The following SORCS1 variants were observed in gnomAD, a reference collection of about 807,000 sequenced individuals.
SORCS1 encodes sortilin related VPS10 domain containing receptor 1.
SORCS1 carries 60 observed loss-of-function variants against 146.1 expected under a neutral mutation model. The observed-to-expected ratio is 0.41, with a 90% CI of 0.33 to 0.51. The LOEUF (loss-of-function observed/expected upper bound fraction) is 0.51, where lower values mean the gene tolerates loss of function less well. Ranked by LOEUF, SORCS1 falls within the 20% of genes least tolerant of loss-of-function variation. SORCS1 has a pLI of 0.21. For synonymous variants in SORCS1, 637 were observed against 584.0 expected (o/e 1.09, Z -1.31); for missense variants, 1,352 against 1,487.6 (o/e 0.91, Z 1.50).
At chr10:106,980,280 G>T (rs1396952601) in intron 1 of SORCS1, among the ~76,000 whole-genome samples, 1 of 152,170 alleles carries the variant, frequency 6.6e-6, no homozygotes, top group Non-Finnish European at 1.5e-5. Flanking sequence ...GTATGCCTGT[G>T]ATCTACTTTT....
At chr10:106,925,840 C>G (rs778951789) in intron 2 of SORCS1, among the ~76,000 whole-genome samples, 1 of 152,234 alleles carries the variant, frequency 6.6e-6, no homozygotes, top group African/African-American at 2.4e-5. Context: ...AGAGATAAAG[C>G]TAATGATTTT....
intron 2 of SORCS1, among the ~76,000 whole-genome samples, chr10:106,894,346 G>A (rs780869149): frequency 4.0e-5 from 6 of 151,662 alleles, no homozygotes; most frequent in Non-Finnish European, 8.8e-5. Context: ...CAGATAAGGG[G>A]AAAAGGTTGC....
At chr10:107,064,302 C>T (rs1328232) in intron 1 of SORCS1, among the ~76,000 whole-genome samples, 9,694 of 152,228 alleles carry the variant, frequency 0.064, 954 homozygotes, top group African/African-American at 0.22. Context: ...CCGCCCTCAT[C>T]TCCTCTGACA....
chr10:107,136,531 A>G (rs572526563), intron 1 of SORCS1, among the ~76,000 whole-genome samples: 1 of 152,326 alleles, frequency 6.6e-6, no homozygotes, highest in Admixed American at 6.5e-5. Context: ...CAAGGCTTAG[A>G]GAGGGAAAAT....
chr10:107,166,261 A>G (rs1211084388), upstream of SORCS1, among the ~76,000 whole-genome samples: 4 of 152,240 alleles, frequency 2.6e-5, no homozygotes, highest in Non-Finnish European at 4.4e-5. Context: ...CGATGAGGCC[A>G]AGTTCAAAGT....
chr10:106,609,403 A>T (rs1454921330), intron 22 of SORCS1, among the ~76,000 whole-genome samples: 1 of 152,222 alleles, frequency 6.6e-6, no homozygotes, highest in East Asian at 1.9e-4. Context: ...TTTAATACTA[A>T]ATTTTGTTTC....
At chr10:106,957,561 C>A (rs976917892) in intron 1 of SORCS1, among the ~76,000 whole-genome samples, 1 of 152,086 alleles carries the variant, frequency 6.6e-6, no homozygotes, top group Non-Finnish European at 1.5e-5. Context: ...TCTAGGAAAG[C>A]CATTAAATAG....
At chr10:106,811,989 A>AGTTTGTTT (rs370856307) in intron 3 of SORCS1, among the ~76,000 whole-genome samples, 3 of 151,488 alleles carry the variant, frequency 2.0e-5, no homozygotes, top group Non-Finnish European at 2.9e-5. Flanking sequence ...ATGGTTTCAG[A>AGTTTGTTT]GTTTGTTTGT....
chr10:106,816,353 A>T (rs962104575), intron 3 of SORCS1, among the ~76,000 whole-genome samples: 3 of 152,204 alleles, frequency 2.0e-5, no homozygotes, highest in African/African-American at 7.2e-5. Flanking sequence ...GAAGAAACTT[A>T]CGTTTACCTG....
At chr10:107,108,175 T>C (rs943547874) in intron 1 of SORCS1, among the ~76,000 whole-genome samples, 3 of 152,146 alleles carry the variant, frequency 2.0e-5, no homozygotes, top group Admixed American at 1.3e-4. Context: ...TCTATGATCC[T>C]AGAGACAGGA....
intron 24 of SORCS1, among the ~76,000 whole-genome samples, chr10:106,593,461 T>C (rs1396011924): frequency 1.3e-5 from 2 of 152,188 alleles, no homozygotes; most frequent in Non-Finnish European, 2.9e-5. Flanking sequence ...CCAGCTCTAA[T>C]GCGTTATGAC....
chr10:106,808,692 C>T (rs570756693), intron 3 of SORCS1, among the ~76,000 whole-genome samples: 4 of 152,046 alleles, frequency 2.6e-5, no homozygotes, highest in South Asian at 4.2e-4. Flanking sequence ...TTAGTAGAGA[C>T]GGGGTTTCAC....
intron 2 of SORCS1, among the ~76,000 whole-genome samples, chr10:106,932,751 G>A (rs1009008815): frequency 2.6e-5 from 4 of 152,212 alleles, no homozygotes; most frequent in Middle Eastern, 3.4e-3. Flanking sequence ...CACTCCCCTC[G>A]CAGCAATGGT....
intron 5 of SORCS1, among the ~76,000 whole-genome samples, chr10:106,739,575 G>A (rs1336709254): frequency 1.3e-5 from 2 of 151,908 alleles, no homozygotes; most frequent in South Asian, 2.1e-4. Context: ...TTGGGAGGCC[G>A]AGGCAGGTGG....
intron 18 of SORCS1, among the ~76,000 whole-genome samples, chr10:106,638,057 G>C (rs1251901688): frequency 6.6e-6 from 1 of 152,188 alleles, no homozygotes; most frequent in East Asian, 1.9e-4. Context: ...ATGGTACAGA[G>C]AGGTTCAGAA....
intron 19 of SORCS1, among the ~76,000 whole-genome samples, chr10:106,627,331 A>G (rs982635890): frequency 5.3e-5 from 8 of 152,234 alleles, no homozygotes; most frequent in African/African-American, 1.9e-4. Flanking sequence ...CGGTAGATGT[A>G]TAACAAATTT....
intron 2 of SORCS1, among the ~76,000 whole-genome samples, chr10:106,940,895 A>G (rs1954009258): frequency 6.6e-6 from 1 of 152,096 alleles, no homozygotes; most frequent in South Asian, 2.1e-4. Flanking sequence ...AAAAAATAAT[A>G]ATAAAAAAAA....
chr10:107,014,278 G>GAAAAAGAAA (rs1564927011), intron 1 of SORCS1, among the ~76,000 whole-genome samples: 1 of 138,300 alleles, frequency 7.2e-6, no homozygotes, highest in African/African-American at 2.9e-5. Context: ...AAAAAGAAAA[G>GAAAAAGAAA]AAAAAAAGAG....
chr10:106,672,036 C>T lies in SORCS1; in HGVS notation c.2059-669G>A, dbSNP rs1851646607. ...AGCTAACGCAGGGCCCACTATCAGA[C>T]ACACTCCTCCTTTTGTGTTTCTGAA... On this transcript the variant is annotated intron_variant, in intron 15 of 25. Coordinates refer to ENST00000263054, the MANE Select transcript of SORCS1 (RefSeq NM_052918.5). 4.6e-5 allele frequency among the ~76,000 whole-genome samples: 7 copies of T among 152,334 alleles called. No individual in the cohort carries two copies. In the South Asian group the frequency reaches 1.2e-3, roughly 27 times the overall value.
Sources: gnomAD v4.1 joint callset for allele counts (sites outside exome capture counted in the v4.1 genomes callset) on GRCh38, gnomAD v4.1.1 for gene constraint, MANE v1.5 for transcripts, NCBI Gene and HGNC (gene_info 2026-07-23, HGNC 2026-07-21) for gene names.